The following EYS variants were observed in gnomAD, a reference collection of about 807,000 sequenced individuals.
The protein encoded by EYS is protein eyes shut homolog.
A neutral mutation model predicts 282.1 loss-of-function variants in EYS; 250 were observed. That is an observed-to-expected ratio of 0.89 (90% CI 0.80 to 0.98). The LOEUF (loss-of-function observed/expected upper bound fraction) is 0.98. Among genes scored for constraint, EYS ranks in the 50% least tolerant of loss-of-function variants. EYS has a pLI of 0.00. For missense variants in EYS, 4,016 were observed against 3,709.0 expected (o/e 1.08, Z -2.15); for synonymous variants, 1,355 against 1,282.9 (o/e 1.06, Z -1.20).
At chr6:64,518,339 C>T (rs929628080) in intron 26 of EYS, among the ~76,000 whole-genome samples, 2 of 151,668 alleles carry the variant, frequency 1.3e-5, no homozygotes, top group African/African-American at 4.8e-5. Flanking sequence ...TATGGCTGGT[C>T]TCCGTCATGT....
chr6:64,366,450 A>G (rs991570959), intron 29 of EYS, among the ~76,000 whole-genome samples: 2 of 152,042 alleles, frequency 1.3e-5, no homozygotes, highest in Non-Finnish European at 2.9e-5. Context: ...ACTGTAAGCA[A>G]ATAAATTTTA....
At chr6:65,597,504 G>C (rs539162952) in intron 2 of EYS, among the ~76,000 whole-genome samples, 1 of 152,234 alleles carries the variant, frequency 6.6e-6, no homozygotes, top group East Asian at 1.9e-4. Flanking sequence ...TGAATGGATA[G>C]ACACCCCCAA....
chr6:64,395,048 C>T (rs898028931), intron 28 of EYS, among the ~76,000 whole-genome samples: 64 of 152,262 alleles, frequency 4.2e-4, no homozygotes, highest in African/African-American at 1.5e-3. Context: ...TCATCACTGG[C>T]CATCAGAGAG....
At chr6:64,338,389 A>G (rs1211152278) in intron 29 of EYS, among the ~76,000 whole-genome samples, 1 of 151,140 alleles carries the variant, frequency 6.6e-6, no homozygotes, top group Non-Finnish European at 1.5e-5. Flanking sequence ...ACAGCTGCAG[A>G]AAGAAAAAAA....
At chr6:64,668,805 G>A (rs1769331965) in intron 22 of EYS, among the ~76,000 whole-genome samples, 2 of 151,510 alleles carry the variant, frequency 1.3e-5, no homozygotes, top group East Asian at 2.0e-4. Flanking sequence ...CTGACCTCGT[G>A]ATCCACCCGC....
intron 18 of EYS, among the ~76,000 whole-genome samples, chr6:64,899,045 C>A (rs1018907858): frequency 6.6e-6 from 1 of 151,942 alleles, no homozygotes; most frequent in East Asian, 1.9e-4. Context: ...TTAGACAGAT[C>A]GATGAGACAG....
chr6:63,776,593 G>T (rs1286693090), intron 40 of EYS, among the ~76,000 whole-genome samples: 1 of 152,146 alleles, frequency 6.6e-6, no homozygotes, highest in African/African-American at 2.4e-5. Flanking sequence ...CAATTGTAAG[G>T]TATTACGTTT....
chr6:65,513,858 G>C (rs964468220), intron 2 of EYS, among the ~76,000 whole-genome samples: 2 of 152,184 alleles, frequency 1.3e-5, no homozygotes, highest in Admixed American at 1.3e-4. Context: ...GAACCTGGAA[G>C]CATTCCCTTT....
intron 12 of EYS, among the ~76,000 whole-genome samples, chr6:65,074,072 A>G (rs544306274): frequency 6.6e-6 from 1 of 152,152 alleles, no homozygotes; most frequent in Non-Finnish European, 1.5e-5. Context: ...TTCATCTTAT[A>G]ATAACTTATT....
intron 22 of EYS, among the ~76,000 whole-genome samples, chr6:64,729,536 G>A (rs1182789705): frequency 6.6e-6 from 1 of 152,192 alleles, no homozygotes; most frequent in Non-Finnish European, 1.5e-5. Flanking sequence ...AGAAACAAGT[G>A]AATGTAGTTC....
At chr6:63,949,438 A>G (rs962097241) in intron 35 of EYS, among the ~76,000 whole-genome samples, 1 of 152,096 alleles carries the variant, frequency 6.6e-6, no homozygotes, top group Non-Finnish European at 1.5e-5. Flanking sequence ...TAAATATTCA[A>G]TTCAGTGGTC....
At chr6:65,044,605 T>C (rs1314791590) in intron 13 of EYS, among the ~76,000 whole-genome samples, 1 of 151,870 alleles carries the variant, frequency 6.6e-6, no homozygotes, top group Non-Finnish European at 1.5e-5. Flanking sequence ...TTTTCTTCCT[T>C]TAAGCAATGA....
chr6:65,422,983 G>C (rs1369454171), intron 5 of EYS, among the ~76,000 whole-genome samples: 2 of 151,470 alleles, frequency 1.3e-5, no homozygotes, highest in Admixed American at 6.6e-5. Flanking sequence ...ATATAATTTT[G>C]ATATGTTCAT....
intron 22 of EYS, 64 bp from the exon 23 acceptor site, chr6:64,626,309 T>C (rs950513496): frequency 1.4e-6 from 2 of 1,478,568 alleles, no homozygotes; most frequent in African/African-American, 2.9e-5. Flanking sequence ...TCACTTTTCA[T>C]CTTGGGATTC....
At chr6:64,203,815 A>G (rs1765542799) in intron 31 of EYS, among the ~76,000 whole-genome samples, 1 of 152,190 alleles carries the variant, frequency 6.6e-6, no homozygotes, top group African/African-American at 2.4e-5. Flanking sequence ...ATAAATTATT[A>G]CTGAGTTGAT....
intron 1 of EYS, among the ~76,000 whole-genome samples, chr6:65,686,612 A>C (rs1228539981): frequency 6.6e-6 from 1 of 152,176 alleles, no homozygotes; most frequent in Non-Finnish European, 1.5e-5. Flanking sequence ...TTGTTAAACA[A>C]ACTACAAAAT....
intron 29 of EYS, among the ~76,000 whole-genome samples, chr6:64,309,961 GAAA>G (rs11359232): frequency 6.8e-5 from 9 of 132,604 alleles, no homozygotes; most frequent in Non-Finnish European, 8.0e-5. Context: ...AAGACTCCAT[GAAA>G]AAAAAAAAAA....
At chr6:64,837,207 T>C (rs199961912) in intron 19 of EYS, among the ~76,000 whole-genome samples, 1 of 31,160 alleles carries the variant, frequency 3.2e-5, no homozygotes, top group African/African-American at 8.3e-5. Context: ...TGTACATGTA[T>C]TGTTTTTAAT....
At chr6:64,399,714 C>A (rs1178227628) in intron 28 of EYS, among the ~76,000 whole-genome samples, 1 of 151,780 alleles carries the variant, frequency 6.6e-6, no homozygotes, top group Non-Finnish European at 1.5e-5. Context: ...TCTGTTAGTT[C>A]TGTTTCCCTG....
Sources: gnomAD v4.1 joint callset for allele counts (sites outside exome capture counted in the v4.1 genomes callset) on GRCh38, gnomAD v4.1.1 for gene constraint, MANE v1.5 for transcripts, NCBI Gene and HGNC (gene_info 2026-07-23, HGNC 2026-07-21) for gene names.